Variants in REXO1 observed in about 807,000 individuals in gnomAD.
The protein encoded by REXO1 is REX1, RNA exonuclease 1 homolog.
Under a neutral mutation model 102.6 loss-of-function variants are expected in REXO1, and 42 were observed. The observed-to-expected ratio is 0.41, with a 90% CI of 0.32 to 0.53. REXO1 has a LOEUF of 0.53. Among genes scored for constraint, REXO1 ranks in the 20% least tolerant of loss-of-function variants. The probability of loss-of-function intolerance (pLI) is 0.27; values close to 1 mark genes in which losing one functional copy is unlikely to be tolerated. For missense variants in REXO1, 1,819 were observed against 1,732.5 expected (o/e 1.05, Z -0.89); for synonymous variants, 908 against 779.1 (o/e 1.17, Z -2.76).
In REXO1 at chr19:1,818,713, G is replaced by A. The variant is rs759196875; in HGVS notation, c.2895C>T (p.Pro965=). The A allele has an allele frequency of 5.6e-6, 9 of 1,611,008 alleles. No individual in the cohort carries two copies. The highest frequency in any genetic ancestry group is 6.8e-6 in the Non-Finnish European group (8 of 1,179,868). Residue 965 remains proline, a synonymous_variant, in exon 9 of 16, where the codon CCC becomes CCT. Coordinates refer to ENST00000170168, the MANE Select transcript of REXO1 (RefSeq NM_020695.4). ...AIIFTAEEKR[P]KDSSCRTCCR... is the part of the protein sequence containing the mutation. The stretch of plus-strand genomic sequence containing the variant: ...CGCAGGCCAGCGACTCACAGTCCTT[G>A]GGCCTCTTCTCCTCAGCTGTGAAGA...
In REXO1 at chr19:1,848,234, G is replaced by C; in HGVS notation, c.125C>G (p.Pro42Arg). ...RHRGARGSGA[P>R]GDGGEAPPAA... The stretch of plus-strand genomic sequence containing the variant: ...GGGGGGCGCCTCTCCGCCGTCACCG[G>C]GCGCGCCGGAGCCCCGGGCCCCGCG... Residue 42 changes from proline to arginine, a missense_variant, in exon 1 of 16, where the codon CCC becomes CGC. Physicochemically the swap from Pro to Arg is moderately radical, Grantham distance 103 (BLOSUM62 -2). Transcript: ENST00000170168. The C allele has an allele frequency of 8.1e-7, 1 of 1,228,574 alleles. No individual in the cohort carries two copies. 76.1% of individuals were successfully genotyped at this position (1,228,574 alleles called of 1,614,324 possible). A position where few individuals can be genotyped will look rare whatever the true frequency, so the allele number is the denominator to read the frequency against.
chr19:1,842,727 G>A (rs28711666), intron 1 of REXO1, among the ~76,000 whole-genome samples: 242 of 152,334 alleles, frequency 1.6e-3, no homozygotes, highest in African/African-American at 5.3e-3. Flanking sequence ...CCTCTGGTGT[G>A]GAGTCTGGAG....
rs761034825 is a variant in REXO1, at chr19:1,821,560, T to C, written c.2353A>G (p.Thr785Ala). 6 of 1,613,696 alleles carry C rather than the reference T, an allele frequency of 3.7e-6. No individual in the cohort carries two copies. Among genetic ancestry groups the C allele is most frequent in the East Asian group, 2.2e-5 (1 of 44,840 alleles). ...TGGGCGATTCGCTTAGGGATGATGG[T>C]GGTGGTAGTCTTGGACGCCATCCCC... ...LSGMASKTTT[T>A]IIPKRIAHSP... The change falls in exon 5 of 16, where the codon ACC (threonine) becomes GCC (alanine). Residue 785 changes from threonine (T) to alanine (A), a missense_variant. Transcript: ENST00000170168.
rs142411003 is a variant in REXO1, at chr19:1,845,655, C to A, written c.157+2547G>T. Among the ~76,000 whole-genome samples, 9 of 152,270 alleles carry A rather than the reference C, an allele frequency of 5.9e-5. No individual in the cohort carries two copies. The East Asian group carries it at 1.2e-3, about 20-fold the overall frequency. The stretch of plus-strand genomic sequence containing the variant: ...CTCCAGCCTGGGTGATAAAGTGAGA[C>A]CCTGTCTCAAAAATTAATTCATTAA... On this transcript the variant is annotated intron_variant, in intron 1 of 15. Transcript: ENST00000170168.
intron 1 of REXO1, among the ~76,000 whole-genome samples, chr19:1,834,288 T>C (rs1463911890): frequency 1.3e-5 from 2 of 152,104 alleles, no homozygotes; most frequent in Non-Finnish European, 2.9e-5. Flanking sequence ...AAAGGTGCTT[T>C]TGGAAGGTCT....
chr19:1,841,655 C>A (rs1277266246), intron 1 of REXO1, among the ~76,000 whole-genome samples: 1 of 152,232 alleles, frequency 6.6e-6, no homozygotes, highest in East Asian at 1.9e-4. Context: ...AGGCCGGCCA[C>A]TGGCACCTGA....
chr19:1,838,045 C>T (rs1483672206), intron 1 of REXO1, among the ~76,000 whole-genome samples: 2 of 152,184 alleles, frequency 1.3e-5, no homozygotes, highest in Non-Finnish European at 2.9e-5. Flanking sequence ...CAGTAGCTCA[C>T]GGCTCTAATC....
chr19:1,839,337 G>C (rs889141992), intron 1 of REXO1, among the ~76,000 whole-genome samples: 2 of 152,152 alleles, frequency 1.3e-5, no homozygotes, highest in African/African-American at 4.8e-5. Context: ...TTCCCAGTGG[G>C]TGTTTCTGGG....
In REXO1 at chr19:1,816,364, A is replaced by G. The variant is rs892054251; in HGVS notation, c.3457-19T>C. ...GGATGACCTGTGGGCAGCGGCAGAG[A>G]TCAGCGCACGTGGGGCCTGCGCAGG... On this transcript the variant is annotated intron_variant, in intron 14 of 15. Transcript: ENST00000170168. 2 of 1,590,798 alleles carry G rather than the reference A, an allele frequency of 1.3e-6. No individual in the cohort carries two copies. Among genetic ancestry groups the G allele is most frequent in the African/African-American group, 2.7e-5 (2 of 74,330 alleles).
chr19:1,817,114 A>C (rs12976128), intron 12 of REXO1, 105 bp downstream of exon 12: 316,626 of 1,347,878 alleles, frequency 0.23, 39,222 homozygotes, highest in East Asian at 0.46. Context: ...AGAAACCCTG[A>C]GCGCTGGCCG....
intron 5 of REXO1, 145 bp downstream of exon 5, chr19:1,821,374 G>A (rs116118801): frequency 3.3e-6 from 3 of 910,772 alleles, no homozygotes; most frequent in South Asian, 3.1e-5. Flanking sequence ...CAAGGCATGG[G>A]GAGGGAAGGT....
At chr19:1,836,902 G>A (rs2070056072) in intron 1 of REXO1, among the ~76,000 whole-genome samples, 1 of 152,184 alleles carries the variant, frequency 6.6e-6, no homozygotes, top group Non-Finnish European at 1.5e-5. Flanking sequence ...GAACAGGCCA[G>A]GCAGAGACCC....
chr19:1,824,642 G>A (rs1017727042), intron 3 of REXO1: 10 of 152,218 alleles, frequency 6.6e-5, no homozygotes, highest in Non-Finnish European at 1.0e-4. Flanking sequence ...TGCTAAAATT[G>A]AAGCAAATGT....
chr19:1,846,062 C>CA (rs2011523643), intron 1 of REXO1, among the ~76,000 whole-genome samples: 1 of 152,238 alleles, frequency 6.6e-6, no homozygotes. Context: ...GAGGGCTTTT[C>CA]ACCTGAACCT....
chr19:1,819,152 G>A, intron 7 of REXO1, 21 bp from the exon 8 acceptor site: 1 of 1,537,772 alleles, frequency 6.5e-7, no homozygotes, highest in Non-Finnish European at 8.8e-7. Context: ...GGGAGGGAGG[G>A]GAGGAGGGTG....
At chr19:1,821,153 C>G (rs2069524507) in intron 5 of REXO1, among the ~76,000 whole-genome samples, 1 of 152,086 alleles carries the variant, frequency 6.6e-6, no homozygotes, top group Non-Finnish European at 1.5e-5. Flanking sequence ...CGAGACCATC[C>G]TGGCTAACAT....
intron 10 of REXO1, 46 bp from the exon 11 acceptor site, chr19:1,817,826 C>T: frequency 6.5e-7 from 1 of 1,531,272 alleles, no homozygotes; most frequent in African/African-American, 1.4e-5. Context: ...CAGGCCCACT[C>T]CACAGCCCCC....
chr19:1,817,713 G>A lies in REXO1; in HGVS notation c.3084C>T (p.Val1028=), dbSNP rs368801660. 44 of 1,612,192 alleles carry A rather than the reference G, an allele frequency of 2.7e-5. No homozygotes were observed. The highest frequency in any genetic ancestry group is 3.3e-5 in the South Asian group (3 of 90,848). Residue 1028 remains valine (V), a synonymous_variant, in exon 11 of 16, where the codon GTC becomes GTT. Coordinates refer to ENST00000170168, the MANE Select transcript of REXO1 (RefSeq NM_020695.4). ...CTGGGACGCCAGGGCTCACCTTTGC[G>A]ACTTGGCAGCCGACAGAGCCGGCGG... The part of the protein sequence containing the change: ...SAAAGSVGCQ[V]AKQHVQDGRK...
Position 1,827,768 on chromosome 19 carries a change from C to T in REXO1, c.1021G>A (p.Ala341Thr). The T allele has an allele frequency of 6.3e-7, 1 of 1,580,988 alleles. No homozygotes were observed. Among genetic ancestry groups the T allele is most frequent in the Non-Finnish European group, 8.5e-7 (1 of 1,172,056 alleles). The change falls in exon 2 of 16, where the codon GCC becomes ACC. Residue 341 changes from alanine (A) to threonine (T), a missense_variant. Coordinates refer to ENST00000170168, the MANE Select transcript of REXO1 (RefSeq NM_020695.4). ...AGGTCCCCCACGTCGCACTGCACGG[C>T]CGTCTCCTTGGTCTCCCGCAGGCCG... Reference protein sequence around the residue: ...GGGLRETKETAVQCDVGDLQP... With the variant: ...GGGLRETKETTVQCDVGDLQP...
Sources: allele counts gnomAD v4.1 joint callset (sites outside exome capture counted in the v4.1 genomes callset), GRCh38; gene constraint gnomAD v4.1.1; transcripts MANE v1.5; gene names NCBI Gene and HGNC (gene_info 2026-07-23, HGNC 2026-07-21).